The following SDK1 variants were observed in gnomAD, a reference collection of about 807,000 sequenced individuals.
SDK1 encodes sidekick cell adhesion molecule 1, also known as protein sidekick-1.
In SDK1, 157 loss-of-function variants were observed where a neutral mutation model predicts 245.5. That is an observed-to-expected ratio of 0.64 (90% CI 0.56 to 0.73). The LOEUF (loss-of-function observed/expected upper bound fraction) is 0.73, where lower values mean the gene tolerates loss of function less well. Among genes scored for constraint, SDK1 ranks in the 30% least tolerant of loss-of-function variants. The pLI, the probability that SDK1 is intolerant of heterozygous loss-of-function variation, is 0.00. For missense variants in SDK1, 3,583 were observed against 3,002.3 expected (o/e 1.19, Z -4.52); for synonymous variants, 1,647 against 1,278.5 (o/e 1.29, Z -6.15).
At chr7:3,634,263 A>G (rs1782389214) in intron 2 of SDK1, among the ~76,000 whole-genome samples, 1 of 152,126 alleles carries the variant, frequency 6.6e-6, no homozygotes, top group Non-Finnish European at 1.5e-5. Flanking sequence ...ATGTCAGATG[A>G]CTAGTCCCAG....
At chr7:3,336,643 G>A (rs150129140) in intron 1 of SDK1, among the ~76,000 whole-genome samples, 2,050 of 152,202 alleles carry the variant, frequency 0.013, 30 homozygotes, top group Non-Finnish European at 0.017. Flanking sequence ...GCCCCCGGGG[G>A]TCCTGAACTT....
intron 1 of SDK1, among the ~76,000 whole-genome samples, chr7:3,502,270 T>A (rs1180062433): frequency 1.3e-5 from 2 of 152,108 alleles, no homozygotes; most frequent in Non-Finnish European, 2.9e-5. Context: ...AAAGTCTTGC[T>A]TAAAGTCTTG....
intron 33 of SDK1, 25 bp from the exon 34 acceptor site, chr7:4,175,750 C>G: frequency 6.2e-7 from 1 of 1,609,688 alleles, no homozygotes; most frequent in Non-Finnish European, 8.5e-7. Flanking sequence ...TGCTAACCAC[C>G]TTTCTGCTTT....
intron 1 of SDK1, among the ~76,000 whole-genome samples, chr7:3,404,448 C>T (rs900891666): frequency 6.6e-6 from 1 of 152,182 alleles, no homozygotes; most frequent in African/African-American, 2.4e-5. Flanking sequence ...AATTTACTCT[C>T]AGAACAGAGA....
intron 1 of SDK1, among the ~76,000 whole-genome samples, chr7:3,431,222 A>G (rs1779835927): frequency 6.6e-6 from 1 of 152,074 alleles, no homozygotes. Context: ...TTAAACTAAG[A>G]AAACAATGAT....
intron 13 of SDK1, among the ~76,000 whole-genome samples, chr7:3,980,378 C>G (rs1301055744): frequency 6.6e-6 from 1 of 152,214 alleles, no homozygotes; most frequent in African/African-American, 2.4e-5. Context: ...CTTTCAATTA[C>G]AAAGTGACTC....
chr7:4,071,120 G>A, intron 20 of SDK1, among the ~76,000 whole-genome samples: 1 of 152,094 alleles, frequency 6.6e-6, no homozygotes, highest in East Asian at 1.9e-4. Context: ...CCGCCTCCCG[G>A]TTCAAATGAT....
At chr7:4,121,840 A>G (rs1283519970) in intron 25 of SDK1, among the ~76,000 whole-genome samples, 6 of 152,148 alleles carry the variant, frequency 3.9e-5, no homozygotes, top group Admixed American at 3.9e-4. Context: ...ATGGAAGGGT[A>G]TTTTTTAGTT....
intron 28 of SDK1, among the ~76,000 whole-genome samples, chr7:4,139,388 T>G (rs1210568535): frequency 6.6e-6 from 1 of 150,818 alleles, no homozygotes; most frequent in Non-Finnish European, 1.5e-5. Context: ...TATATGTACG[T>G]GTGTGTGTAT....
At chr7:4,174,117 T>A (rs4723444) in intron 32 of SDK1, 105 bp from the exon 33 acceptor site, 661,793 of 1,279,510 alleles carry the variant, frequency 0.52, 174,578 homozygotes, top group East Asian at 0.77. Flanking sequence ...CCCACGACTT[T>A]CTTCTGTGCA....
chr7:4,156,635 T>C (rs1780756037), intron 30 of SDK1, among the ~76,000 whole-genome samples: 2 of 152,178 alleles, frequency 1.3e-5, no homozygotes, highest in South Asian at 4.1e-4. Flanking sequence ...AAAGCAGGAA[T>C]AGAATCTAAT....
At chr7:3,375,265 T>G (rs530203526) in intron 1 of SDK1, among the ~76,000 whole-genome samples, 1 of 152,104 alleles carries the variant, frequency 6.6e-6, no homozygotes, top group East Asian at 1.9e-4. Flanking sequence ...CACAAACTTA[T>G]GCTAAAGCTG....
intron 4 of SDK1, among the ~76,000 whole-genome samples, chr7:3,686,815 C>G (rs1423466406): frequency 6.6e-6 from 1 of 152,142 alleles, no homozygotes; most frequent in African/African-American, 2.4e-5. Flanking sequence ...TTAATTTTCT[C>G]AGGATCCCTG....
intron 5 of SDK1, among the ~76,000 whole-genome samples, chr7:3,893,816 C>T (rs759982386): frequency 3.3e-5 from 5 of 152,000 alleles, no homozygotes; most frequent in Admixed American, 2.0e-4. Context: ...CAGTCACCTG[C>T]CCCCACCCTC....
At chr7:3,477,280 C>G (rs1269618757) in intron 1 of SDK1, among the ~76,000 whole-genome samples, 1 of 136,694 alleles carries the variant, frequency 7.3e-6, no homozygotes, top group Non-Finnish European at 1.5e-5. Flanking sequence ...AGTGCAGTCT[C>G]CATCTCCTGG....
chr7:3,951,948 G>A (rs375580616), intron 7 of SDK1, 28 bp downstream of exon 7: 2 of 1,592,658 alleles, frequency 1.3e-6, no homozygotes, highest in Non-Finnish European at 1.7e-6. Context: ...AAGTGGTGTT[G>A]CCAGCATCTC....
At chr7:3,621,639 C>A (rs372547747) in intron 2 of SDK1, among the ~76,000 whole-genome samples, 1 of 152,138 alleles carries the variant, frequency 6.6e-6, no homozygotes, top group Non-Finnish European at 1.5e-5. Flanking sequence ...TGTGTAGGCA[C>A]CAAGCCATTT....
chr7:3,628,638 C>G (rs1583245386), intron 2 of SDK1, among the ~76,000 whole-genome samples: 1 of 152,210 alleles, frequency 6.6e-6, no homozygotes, highest in Non-Finnish European at 1.5e-5. Context: ...TTGTCTAATT[C>G]TATGGCTGAG....
intron 1 of SDK1, among the ~76,000 whole-genome samples, chr7:3,329,063 C>T (rs1780004042): frequency 1.3e-5 from 2 of 152,138 alleles, no homozygotes; most frequent in African/African-American, 4.8e-5. Context: ...TCTCTTGCTA[C>T]TGCTAGACAT....
Sources: gnomAD v4.1 joint callset for allele counts (sites outside exome capture counted in the v4.1 genomes callset) on GRCh38, gnomAD v4.1.1 for gene constraint, MANE v1.5 for transcripts, NCBI Gene and HGNC (gene_info 2026-07-23, HGNC 2026-07-21) for gene names.